SORCS3: variants seen among roughly 807,000 people sequenced by gnomAD.
The protein encoded by SORCS3 is VPS10 domain-containing receptor SorCS3.
A neutral mutation model predicts 146.3 loss-of-function variants in SORCS3; 57 were observed. That is an observed-to-expected ratio of 0.39 (90% CI 0.31 to 0.49). The LOEUF (loss-of-function observed/expected upper bound fraction) is 0.49. Ranked by LOEUF, SORCS3 falls within the 20% of genes least tolerant of loss-of-function variation. The pLI is 0.92. For synonymous variants in SORCS3, 653 were observed against 618.5 expected (o/e 1.06, Z -0.83); for missense variants, 1,341 against 1,575.5 (o/e 0.85, Z 2.52).
At chr10:105,236,930 C>CT (rs2056795966) in intron 20 of SORCS3, among the ~76,000 whole-genome samples, 2 of 152,122 alleles carry the variant, frequency 1.3e-5, no homozygotes, top group Non-Finnish European at 2.9e-5. Context: ...ATCAAGCAAT[C>CT]AATCTATCTA....
chr10:104,792,545 C>T (rs530615573), intron 1 of SORCS3, among the ~76,000 whole-genome samples: 1 of 152,324 alleles, frequency 6.6e-6, no homozygotes, highest in South Asian at 2.1e-4. Flanking sequence ...AGCGCTTGCA[C>T]TATTTCTGGC....
chr10:104,763,985 C>T (rs1257638901), intron 1 of SORCS3, among the ~76,000 whole-genome samples: 2 of 143,728 alleles, frequency 1.4e-5, no homozygotes, highest in Non-Finnish European at 3.0e-5. Context: ...CCATGCAGAA[C>T]TATGAGTCAA....
At chr10:104,698,990 C>T (rs1053616583) in intron 1 of SORCS3, among the ~76,000 whole-genome samples, 1 of 152,072 alleles carries the variant, frequency 6.6e-6, no homozygotes. Flanking sequence ...ACACTATAAG[C>T]TCCAAAAATT....
At chr10:104,865,850 G>T (rs1338520404) in intron 2 of SORCS3, among the ~76,000 whole-genome samples, 2 of 152,200 alleles carry the variant, frequency 1.3e-5, no homozygotes, top group African/African-American at 4.8e-5. Context: ...GGGGTGGGAG[G>T]CTCATGCTTT....
chr10:105,214,053 T>C (rs1202844516), intron 17 of SORCS3, among the ~76,000 whole-genome samples: 2 of 152,156 alleles, frequency 1.3e-5, no homozygotes, highest in Admixed American at 6.5e-5. Flanking sequence ...CTCTGGGAGA[T>C]AGAAACAGGT....
chr10:105,198,962 T>A (rs1292540198), intron 14 of SORCS3, among the ~76,000 whole-genome samples: 1 of 152,202 alleles, frequency 6.6e-6, no homozygotes, highest in Non-Finnish European at 1.5e-5. Context: ...ATAAGCATCC[T>A]CATCTTTTAG....
intron 2 of SORCS3, among the ~76,000 whole-genome samples, chr10:104,911,164 C>T (rs546244385): frequency 6.6e-6 from 1 of 152,360 alleles, no homozygotes; most frequent in South Asian, 2.1e-4. Context: ...ATTTGCCCCT[C>T]ACCCCAGGCC....
At chr10:104,725,172 CTTTG>C (rs1178294386) in intron 1 of SORCS3, among the ~76,000 whole-genome samples, 7 of 152,230 alleles carry the variant, frequency 4.6e-5, no homozygotes, top group African/African-American at 1.7e-4. Context: ...TGTCCTTTCT[CTTTG>C]TTAGTTTTCC....
intron 7 of SORCS3, among the ~76,000 whole-genome samples, chr10:105,114,793 G>A (rs1246132196): frequency 1.3e-5 from 2 of 152,000 alleles, no homozygotes; most frequent in Non-Finnish European, 2.9e-5. Context: ...TAGACCTGGC[G>A]AAGAAAAAAG....
Position 105,138,499 on chromosome 10 carries a change from G to A in SORCS3, c.1213-898G>A, listed in dbSNP as rs79899038. On this transcript the variant is annotated intron_variant, in intron 7 of 26. Transcript: ENST00000369701. ...TGCCTTGGGTAATTGCCTCCTCAGC[G>A]CAGCAGCCTGGTTGCTATTGTTGTC... 9.4e-3 allele frequency among the ~76,000 whole-genome samples: 1,437 copies of A among 152,326 alleles called. 19 individuals are homozygous for A. Among genetic ancestry groups the A allele is most frequent in the African/African-American group, 0.032 (1,347 of 41,574 alleles).
intron 7 of SORCS3, among the ~76,000 whole-genome samples, chr10:105,121,699 A>G (rs2055934652): frequency 6.6e-6 from 1 of 152,184 alleles, no homozygotes. Context: ...AACTTTCTGC[A>G]TCATTAACCA....
chr10:104,648,032 A>G (rs1292405888), intron 1 of SORCS3, among the ~76,000 whole-genome samples: 3 of 152,226 alleles, frequency 2.0e-5, no homozygotes, highest in Admixed American at 6.5e-5. Context: ...GGTCCTGCCG[A>G]CATGCTTTGG....
At chr10:104,994,245 A>G (rs1300548671) in intron 4 of SORCS3, among the ~76,000 whole-genome samples, 2 of 152,212 alleles carry the variant, frequency 1.3e-5, no homozygotes, top group African/African-American at 4.8e-5. Context: ...TAAGTGCTGT[A>G]AAATAGAAGC....
At chr10:105,141,297 T>C (rs972395326) in intron 8 of SORCS3, among the ~76,000 whole-genome samples, 2 of 152,138 alleles carry the variant, frequency 1.3e-5, no homozygotes, top group Non-Finnish European at 2.9e-5. Flanking sequence ...CCAGAGCAGC[T>C]TCTCATTAAT....
In SORCS3 at chr10:105,264,129, T is replaced by C. The variant is rs2056977694; in HGVS notation, c.*755T>C. 1.7e-5 allele frequency: 2 copies of C among 115,830 alleles called. No homozygotes were observed. The highest frequency in any genetic ancestry group is 3.3e-5 in the Non-Finnish European group (2 of 60,246). The allele number at this position is 115,830 out of a possible 1,614,324, so 7.2% of individuals were successfully genotyped here. ...TGTCCATGCCATAGCTGGTTTCTACTTATGTATATAAAGGGGGGTGGGGGG... is the reference window on the plus strand; with the variant it reads ...TGTCCATGCCATAGCTGGTTTCTACCTATGTATATAAAGGGGGGTGGGGGG... On this transcript the variant is annotated 3_prime_UTR_variant, in exon 27 of 27. Coordinates refer to ENST00000369701, the MANE Select transcript of SORCS3 (RefSeq NM_014978.3).
At chr10:104,862,634 A>T (rs2018417319) in intron 2 of SORCS3, among the ~76,000 whole-genome samples, 1 of 151,970 alleles carries the variant, frequency 6.6e-6, no homozygotes, top group Admixed American at 6.5e-5. Flanking sequence ...TGTGTTTTTA[A>T]ATATAATGTA....
intron 1 of SORCS3, among the ~76,000 whole-genome samples, chr10:104,648,371 A>G (rs1479806341): frequency 6.6e-6 from 1 of 151,936 alleles, no homozygotes; most frequent in Non-Finnish European, 1.5e-5. Context: ...CTTTCTTCTC[A>G]GGTTAACAGA....
chr10:104,728,848 G>T (rs2016672915), intron 1 of SORCS3, among the ~76,000 whole-genome samples: 1 of 152,174 alleles, frequency 6.6e-6, no homozygotes, highest in Admixed American at 6.5e-5. Context: ...CAAACCTGGG[G>T]TAGATTAGGA....
chr10:104,996,576 A>G (rs1215886701), intron 4 of SORCS3, among the ~76,000 whole-genome samples: 1 of 152,156 alleles, frequency 6.6e-6, no homozygotes, highest in Non-Finnish European at 1.5e-5. Context: ...AGTTAACTTT[A>G]TTGACATCTC....
Sources: allele counts gnomAD v4.1 joint callset (sites outside exome capture counted in the v4.1 genomes callset), GRCh38; gene constraint gnomAD v4.1.1; transcripts MANE v1.5; gene names NCBI Gene and HGNC (gene_info 2026-07-23, HGNC 2026-07-21).